The following PAPPA2 variants were observed in gnomAD, a reference collection of about 807,000 sequenced individuals.
PAPPA2 encodes the protein pappalysin 2.
PAPPA2 carries 86 observed loss-of-function variants against 176.4 expected under a neutral mutation model. The ratio of observed to expected loss-of-function variants is 0.49; its 90% CI spans 0.41 to 0.58. The LOEUF is 0.58. PAPPA2 is among the 20% of genes least tolerant of loss of function. The pLI, the probability that PAPPA2 is intolerant of heterozygous loss-of-function variation, is 0.00. For missense variants in PAPPA2, 2,073 were observed against 2,256.9 expected (o/e 0.92, Z 1.65); for synonymous variants, 809 against 852.2 (o/e 0.95, Z 0.88).
rs574793265 is a variant in PAPPA2 at position 176,662,104 on chromosome 1, C to T, written c.1992-8866C>T. Among the ~76,000 whole-genome samples the T allele has an allele frequency of 2.2e-4, 33 of 152,180 alleles. No individual in the cohort carries two copies. In the South Asian group the frequency reaches 2.7e-3, roughly 12 times the overall value. ...AGTGACTTGCAGATAATAAGGGAAA[C>T]GAATTTAAGGCTAGAAGAAAGAATG... On this transcript the variant is annotated intron_variant, in intron 3 of 22. Coordinates refer to ENST00000367662, the MANE Select transcript of PAPPA2 (RefSeq NM_020318.3).
At chr1:176,468,077 A>G (rs1651708470) in intron 1 of PAPPA2, among the ~76,000 whole-genome samples, 2 of 152,190 alleles carry the variant, frequency 1.3e-5, no homozygotes. Flanking sequence ...CACTATTTCA[A>G]AACTCCATTT....
chr1:176,567,664 G>C (rs960274066), intron 2 of PAPPA2, among the ~76,000 whole-genome samples: 8 of 152,212 alleles, frequency 5.3e-5, no homozygotes, highest in Admixed American at 2.0e-4. Flanking sequence ...ATTTAGGCCT[G>C]TAAACTGTAA....
chr1:176,802,633 G>A (rs1002001800), intron 21 of PAPPA2, among the ~76,000 whole-genome samples: 1 of 152,108 alleles, frequency 6.6e-6, no homozygotes, highest in African/African-American at 2.4e-5. Context: ...AGGGTTTTCT[G>A]CTTTTTGCTT....
At chr1:176,573,481 C>T (rs1652470161) in intron 2 of PAPPA2, among the ~76,000 whole-genome samples, 1 of 152,016 alleles carries the variant, frequency 6.6e-6, no homozygotes, top group Non-Finnish European at 1.5e-5. Context: ...ATAGAATGCT[C>T]AGGAAATTTC....
chr1:176,799,862 T>G (rs1229657454), intron 20 of PAPPA2, among the ~76,000 whole-genome samples, 199 bp from the exon 21 acceptor site: 1 of 152,186 alleles, frequency 6.6e-6, no homozygotes, highest in Admixed American at 6.5e-5. Context: ...TGAGACTTCC[T>G]GCCTGAACCA....
At chr1:176,518,469 A>G (rs1649038602) in intron 1 of PAPPA2, among the ~76,000 whole-genome samples, 1 of 149,472 alleles carries the variant, frequency 6.7e-6, no homozygotes, top group African/African-American at 2.5e-5. Flanking sequence ...AAAAAAAAAA[A>G]CAAACAAACT....
chr1:176,639,171 T>C (rs997346530), intron 3 of PAPPA2, among the ~76,000 whole-genome samples: 1 of 152,104 alleles, frequency 6.6e-6, no homozygotes, highest in African/African-American at 2.4e-5. Flanking sequence ...TGAACTCACA[T>C]GGTTCTTTCT....
intron 17 of PAPPA2, among the ~76,000 whole-genome samples, chr1:176,777,923 C>T (rs1452295542): frequency 6.6e-6 from 1 of 151,752 alleles, no homozygotes; most frequent in Non-Finnish European, 1.5e-5. Flanking sequence ...TTGAGCTATC[C>T]TTCTGGTGCA....
chr1:176,685,822 G>A (rs1168846454), intron 4 of PAPPA2, among the ~76,000 whole-genome samples: 1 of 152,090 alleles, frequency 6.6e-6, no homozygotes, highest in African/African-American at 2.4e-5. Context: ...ATTAAATTTT[G>A]GGCAACACAT....
intron 15 of PAPPA2, among the ~76,000 whole-genome samples, chr1:176,766,602 T>C (rs1236191834): frequency 6.6e-6 from 1 of 152,228 alleles, no homozygotes; most frequent in Non-Finnish European, 1.5e-5. Context: ...ATAATTTAAA[T>C]GCTTTTAGCA....
At chr1:176,490,995 A>G (rs746107671) in intron 1 of PAPPA2, among the ~76,000 whole-genome samples, 2 of 152,322 alleles carry the variant, frequency 1.3e-5, no homozygotes, top group Non-Finnish European at 2.9e-5. Context: ...ACACATGATC[A>G]CATGCTGGCT....
chr1:176,556,599 G>A lies in PAPPA2; in HGVS notation c.277G>A (p.Gly93Arg), dbSNP rs1374025287. The change falls in exon 2 of 23, where the codon GGA (glycine) becomes AGA (arginine). Residue 93 changes from glycine (G) to arginine (R), a missense_variant. Physicochemically the swap from Gly to Arg is moderately radical, Grantham distance 125. Around this residue, in one of 4 missense-constraint regions of PAPPA2, gnomAD observed 1,196 missense variants for 1,330.4 expected, o/e 0.90. Transcript: ENST00000367662. ...PVGEQEIHHT[G>R]RSKPDTEGNA... Reference sequence around the variant, plus strand: ...GGGGGAGCAAGAAATCCATCATACAGGACGCAGCAAACCAGACACTGAAGG... The same window carrying A: ...GGGGGAGCAAGAAATCCATCATACAAGACGCAGCAAACCAGACACTGAAGG... The A allele has an allele frequency of 9.9e-6, 16 of 1,614,196 alleles. No homozygotes were observed. The highest frequency in any genetic ancestry group is 1.1e-5 in the South Asian group (1 of 91,088).
chr1:176,819,742 A>C (rs1192601628), intron 21 of PAPPA2, among the ~76,000 whole-genome samples: 1 of 152,194 alleles, frequency 6.6e-6, no homozygotes, highest in African/African-American at 2.4e-5. Context: ...TTGAGTCCTG[A>C]CCAAGGAAGC....
intron 1 of PAPPA2, among the ~76,000 whole-genome samples, chr1:176,550,674 T>C (rs1379684103): frequency 6.6e-6 from 1 of 152,196 alleles, no homozygotes; most frequent in Non-Finnish European, 1.5e-5. Flanking sequence ...AACATGACCA[T>C]TAACACTGCT....
chr1:176,492,300 A>G (rs1208245640), intron 1 of PAPPA2, among the ~76,000 whole-genome samples: 1 of 152,144 alleles, frequency 6.6e-6, no homozygotes, highest in South Asian at 2.1e-4. Flanking sequence ...CTGTCTCCTC[A>G]GTGGCCTTTA....
At chr1:176,771,248 A>G (rs1486972004) in intron 17 of PAPPA2, 68 bp downstream of exon 17, 3 of 1,505,982 alleles carry the variant, frequency 2.0e-6, no homozygotes, top group Non-Finnish European at 2.7e-6. Context: ...GTTTTTCTGT[A>G]TAATCTCTCT....
Position 176,769,722 on chromosome 1 carries a change from C to T in PAPPA2, c.4439C>T (p.Ser1480Leu), listed in dbSNP as rs948028639. 8 of 1,613,508 alleles carry T rather than the reference C, an allele frequency of 5.0e-6. No homozygotes were observed. The highest frequency in any genetic ancestry group is 6.8e-6 in the Non-Finnish European group (8 of 1,179,876). The change falls in exon 16 of 23, where the codon TCA (serine) becomes TTA (leucine). Residue 1480 changes from serine to leucine, a missense_variant. Physicochemically the swap from Ser to Leu is moderately radical, Grantham distance 145. This residue lies in a region of PAPPA2 where 846 missense variants were observed against 857.9 expected (regional missense o/e 0.99). Transcript: ENST00000367662. ...SLVNYANFSC[S>L]EGTKFLKRCS... ...GTGAACTATGCAAACTTCTCCTGCT[C>T]AGAGGGAACCAAATTTCTGAAACGC...
At chr1:176,722,419 C>CTTT (rs34221424) in intron 12 of PAPPA2, among the ~76,000 whole-genome samples, 18 of 124,018 alleles carry the variant, frequency 1.5e-4, no homozygotes, top group Admixed American at 4.1e-4. Flanking sequence ...TATACATTTC[C>CTTT]TTTTTTTTTT....
At chr1:176,646,451 A>G (rs1458031667) in intron 3 of PAPPA2, among the ~76,000 whole-genome samples, 1 of 150,710 alleles carries the variant, frequency 6.6e-6, no homozygotes, top group Non-Finnish European at 1.5e-5. Context: ...TAAATGTATA[A>G]TAAATTATTC....
Sources: gnomAD v4.1 joint callset for allele counts (sites outside exome capture counted in the v4.1 genomes callset) on GRCh38, gnomAD v4.1.1 for gene constraint, gnomAD v4.1.1 regional missense constraint, MANE v1.5 for transcripts, NCBI Gene and HGNC (gene_info 2026-07-23, HGNC 2026-07-21) for gene names.